The following CCNY variants were observed in gnomAD, a reference collection of about 807,000 sequenced individuals.
CCNY encodes cyclin-Y.
Under a neutral mutation model 42.8 loss-of-function variants are expected in CCNY, and 19 were observed. That is an observed-to-expected ratio of 0.44 (90% CI 0.31 to 0.65). The LOEUF (loss-of-function observed/expected upper bound fraction) is 0.65, where lower values mean the gene tolerates loss of function less well. Among genes scored for constraint, CCNY ranks in the 30% least tolerant of loss-of-function variants. CCNY has a pLI of 0.07. For synonymous variants in CCNY, 165 were observed against 162.7 expected (o/e 1.01, Z -0.11); for missense variants, 370 against 437.3 (o/e 0.85, Z 1.37).
Position 35,453,298 on chromosome 10 carries a change from C to A in CCNY, c.155-30106C>A, listed in dbSNP as rs192912236. On this transcript the variant is annotated intron_variant, in intron 1 of 9. Transcript: ENST00000374704. Reference sequence around the variant, plus strand: ...ATAAACAGAAGTATTTCTCCAATTACAAATGTATTGAACTGTTTATAAAAA... The same window carrying A: ...ATAAACAGAAGTATTTCTCCAATTAAAAATGTATTGAACTGTTTATAAAAA... Among the ~76,000 whole-genome samples the A allele has an allele frequency of 6.2e-3, 951 of 152,296 alleles. 6 individuals carry two copies. Among genetic ancestry groups the A allele is most frequent in the South Asian group, 0.017 (84 of 4,828 alleles).
chr10:35,267,964 A>G (rs968718070), intron 3 of CCNY, among the ~76,000 whole-genome samples: 51 of 152,182 alleles, frequency 3.4e-4, no homozygotes, highest in African/African-American at 1.2e-3. Context: ...TCTCATGACC[A>G]GACTGGAGTG....
At chr10:35,351,327 G>A (rs1327343757) in intron 1 of CCNY, among the ~76,000 whole-genome samples, 1 of 152,204 alleles carries the variant, frequency 6.6e-6, no homozygotes, top group East Asian at 1.9e-4. Context: ...GTCAATTTAG[G>A]CAAAGCTGCC....
chr10:35,504,724 C>A (rs181077266), intron 3 of CCNY, among the ~76,000 whole-genome samples: 1 of 152,226 alleles, frequency 6.6e-6, no homozygotes, highest in African/African-American at 2.4e-5. Flanking sequence ...GCAACCTCCC[C>A]AACCCGGGTT....
intron 2 of CCNY, among the ~76,000 whole-genome samples, chr10:35,488,364 T>C (rs1157749310): frequency 1.3e-5 from 2 of 152,204 alleles, no homozygotes; most frequent in Non-Finnish European, 2.9e-5. Flanking sequence ...GTCCTCCTCT[T>C]ATCTAGCATT....
At chr10:35,343,917 C>T (rs1368962515) in intron 1 of CCNY, among the ~76,000 whole-genome samples, 1 of 152,202 alleles carries the variant, frequency 6.6e-6, no homozygotes, top group African/African-American at 2.4e-5. Context: ...TTGACAGTAT[C>T]ATACTTGTCA....
At chr10:35,467,040 A>G (rs1197784220) in intron 1 of CCNY, among the ~76,000 whole-genome samples, 1 of 152,250 alleles carries the variant, frequency 6.6e-6, no homozygotes, top group Non-Finnish European at 1.5e-5. Context: ...TTCTGTGAGC[A>G]GGGGCCATAC....
At chr10:35,493,082 T>G (rs1282112272) in intron 2 of CCNY, among the ~76,000 whole-genome samples, 1 of 152,182 alleles carries the variant, frequency 6.6e-6, no homozygotes, top group African/African-American at 2.4e-5. Context: ...TCACTTTTCT[T>G]GGGTGCATCA....
intron 4 of CCNY, 111 bp from the exon 5 acceptor site, chr10:35,525,853 T>C: frequency 2.2e-6 from 2 of 909,354 alleles, no homozygotes; most frequent in Non-Finnish European, 3.4e-6. Context: ...TTCAGAAAGA[T>C]TGTTAGACTT....
intron 1 of CCNY, among the ~76,000 whole-genome samples, chr10:35,430,182 A>C (rs1046978017): frequency 6.6e-6 from 1 of 151,112 alleles, no homozygotes; most frequent in Non-Finnish European, 1.5e-5. Context: ...CTAAAAATAC[A>C]AAAAATTAGC....
At chr10:35,324,469 T>C (rs2135098641) in intron 3 of CCNY, among the ~76,000 whole-genome samples, 1 of 152,368 alleles carries the variant, frequency 6.6e-6, no homozygotes, top group Non-Finnish European at 1.5e-5. Flanking sequence ...GTACAAACCC[T>C]TTGAATTCAG....
At chr10:35,283,196 A>AT (rs1835316690) in intron 3 of CCNY, among the ~76,000 whole-genome samples, 1 of 152,194 alleles carries the variant, frequency 6.6e-6, no homozygotes, top group African/African-American at 2.4e-5. Flanking sequence ...ACACTAGATG[A>AT]TAAAAACTAT....
At chr10:35,408,858 G>T (rs1837841206) in intron 1 of CCNY, among the ~76,000 whole-genome samples, 2 of 152,044 alleles carry the variant, frequency 1.3e-5, no homozygotes, top group South Asian at 4.1e-4. Context: ...GTTTACGCTA[G>T]AAATGGATTC....
intron 1 of CCNY, among the ~76,000 whole-genome samples, chr10:35,473,755 G>A (rs1173819960): frequency 2.0e-5 from 3 of 152,122 alleles, no homozygotes; most frequent in African/African-American, 7.2e-5. Flanking sequence ...TTTTGTCATT[G>A]AAAAACATCA....
intron 1 of CCNY, among the ~76,000 whole-genome samples, chr10:35,395,630 C>T (rs1269476470): frequency 6.6e-6 from 1 of 152,142 alleles, no homozygotes; most frequent in Non-Finnish European, 1.5e-5. Context: ...CTTAGCAGGG[C>T]TTTTGCCAAA....
At chr10:35,463,394 AAT>A (rs1288122757) in intron 1 of CCNY, among the ~76,000 whole-genome samples, 1 of 152,238 alleles carries the variant, frequency 6.6e-6, no homozygotes, top group African/African-American at 2.4e-5. Context: ...ATGGACGTAG[AAT>A]ATGCTAACTC....
chr10:35,430,316 G>A (rs1050471128), intron 1 of CCNY, among the ~76,000 whole-genome samples: 1 of 113,724 alleles, frequency 8.8e-6, no homozygotes, highest in Non-Finnish European at 1.6e-5. Flanking sequence ...CAGCCTGGGC[G>A]ACAGAGCGAG....
chr10:35,495,253 T>G (rs1477545546), intron 2 of CCNY, among the ~76,000 whole-genome samples: 1 of 152,204 alleles, frequency 6.6e-6, no homozygotes, highest in Non-Finnish European at 1.5e-5. Flanking sequence ...ATTTTCCAAA[T>G]TTTCTGCAAT....
chr10:35,411,739 A>G (rs1440341864), intron 1 of CCNY, among the ~76,000 whole-genome samples: 1 of 152,154 alleles, frequency 6.6e-6, no homozygotes, highest in East Asian at 1.9e-4. Flanking sequence ...GACAAGTTTT[A>G]TGTTCTACTA....
At chr10:35,350,172 G>T (rs1295397014) in intron 1 of CCNY, among the ~76,000 whole-genome samples, 1 of 152,212 alleles carries the variant, frequency 6.6e-6, no homozygotes. Flanking sequence ...CTGACAATGG[G>T]TGGTGGGGTA....
Sources: allele counts gnomAD v4.1 joint callset (sites outside exome capture counted in the v4.1 genomes callset), GRCh38; gene constraint gnomAD v4.1.1; transcripts MANE v1.5; gene names NCBI Gene and HGNC (gene_info 2026-07-23, HGNC 2026-07-21).